The following PREX2 variants were observed in gnomAD, a reference collection of about 807,000 sequenced individuals.
The protein encoded by PREX2 is phosphatidylinositol-3,4,5-trisphosphate dependent Rac exchange factor 2.
Under a neutral mutation model 203.2 loss-of-function variants are expected in PREX2, and 107 were observed. The ratio of observed to expected loss-of-function variants is 0.53; its 90% CI spans 0.45 to 0.62. PREX2 has a LOEUF of 0.62. PREX2 is among the 20% of genes least tolerant of loss of function. The probability of loss-of-function intolerance (pLI) is 0.00; values close to 1 mark genes in which losing one functional copy is unlikely to be tolerated. For synonymous variants in PREX2, 672 were observed against 663.6 expected (o/e 1.01, Z -0.19); for missense variants, 1,777 against 1,955.9 (o/e 0.91, Z 1.72).
chr8:68,114,678 G>A (rs1810605688), intron 25 of PREX2, among the ~76,000 whole-genome samples: 1 of 152,206 alleles, frequency 6.6e-6, no homozygotes, highest in African/African-American at 2.4e-5. Context: ...AGGTGGAGGA[G>A]CTCTTTCTGT....
chr8:68,097,585 A>G (rs1214139692), intron 22 of PREX2, among the ~76,000 whole-genome samples: 1 of 152,252 alleles, frequency 6.6e-6, no homozygotes, highest in Non-Finnish European at 1.5e-5. Context: ...TTGGCATTCC[A>G]AAGTGCTGGG....
chr8:68,192,189 A>T, intron 36 of PREX2, 146 bp from the exon 37 acceptor site: 1 of 612,716 alleles, frequency 1.6e-6, no homozygotes, highest in Non-Finnish European at 2.8e-6. Flanking sequence ...GAGACATATG[A>T]GTAATTATAA....
At chr8:68,036,727 C>G (rs1808044489) in intron 6 of PREX2, among the ~76,000 whole-genome samples, 1 of 152,064 alleles carries the variant, frequency 6.6e-6, no homozygotes, top group Non-Finnish European at 1.5e-5. Flanking sequence ...GGGTGGATCA[C>G]CTGAGGTCGG....
chr8:68,134,387 G>A (rs3793380), intron 32 of PREX2, 111 bp downstream of exon 32: 305,531 of 808,552 alleles, frequency 0.38, 63,122 homozygotes, highest in East Asian at 0.75. Context: ...CTATGAATGT[G>A]CGTGCATTCA....
intron 1 of PREX2, among the ~76,000 whole-genome samples, chr8:68,017,146 C>G (rs896566051): frequency 6.6e-6 from 1 of 151,912 alleles, no homozygotes; most frequent in Non-Finnish European, 1.5e-5. Flanking sequence ...AAAATAATAG[C>G]CTGTTTAGCC....
At chr8:68,205,011 C>A (rs1379626773) in intron 37 of PREX2, among the ~76,000 whole-genome samples, 1 of 152,142 alleles carries the variant, frequency 6.6e-6, no homozygotes, top group African/African-American at 2.4e-5. Context: ...TACTCGGAAA[C>A]CCTTGTCTTC....
chr8:67,985,526 A>G lies in PREX2; in HGVS notation c.142-32320A>G, dbSNP rs187577588. Among the ~76,000 whole-genome samples, 6 of 152,296 alleles carry G rather than the reference A, an allele frequency of 3.9e-5. No homozygotes were observed. In the East Asian group the frequency reaches 9.6e-4, roughly 24 times the overall value. ...GTAGTTCTCTTTGGTCTAAATGTCAATATTAGAGCTGTGAGTGTGATGATT... is the reference window on the plus strand; with the variant it reads ...GTAGTTCTCTTTGGTCTAAATGTCAGTATTAGAGCTGTGAGTGTGATGATT... On this transcript the variant is annotated intron_variant, in intron 1 of 39. Coordinates refer to ENST00000288368, the MANE Select transcript of PREX2 (RefSeq NM_024870.4).
At chr8:67,967,189 A>C (rs1805801264) in intron 1 of PREX2, among the ~76,000 whole-genome samples, 1 of 152,192 alleles carries the variant, frequency 6.6e-6, no homozygotes, top group Non-Finnish European at 1.5e-5. Context: ...TTTCTTGTTT[A>C]AATCTTCAGT....
At chr8:68,091,380 A>G (rs1052954024) in intron 20 of PREX2, among the ~76,000 whole-genome samples, 8 of 152,254 alleles carry the variant, frequency 5.3e-5, no homozygotes, top group African/African-American at 1.9e-4. Context: ...GAGTATTGGC[A>G]TATAAAAGAA....
intron 29 of PREX2, among the ~76,000 whole-genome samples, chr8:68,120,621 AGGGTGTG>A (rs1448465381): frequency 6.6e-6 from 1 of 152,152 alleles, no homozygotes; most frequent in African/African-American, 2.4e-5. Flanking sequence ...TGGTGAGGAA[AGGGTGTG>A]GGGAATGAGA....
At chr8:68,053,565 A>G (rs1808588852) in intron 9 of PREX2, among the ~76,000 whole-genome samples, 1 of 152,150 alleles carries the variant, frequency 6.6e-6, no homozygotes, top group Non-Finnish European at 1.5e-5. Context: ...AAATTTGTTC[A>G]ATTTTCTTTG....
rs367796459 is a variant in PREX2 at position 68,233,514 on chromosome 8, T to C, written c.*2136T>C. 2.0e-4 allele frequency: 30 copies of C among 152,302 alleles called. No homozygotes were observed. In the East Asian group the frequency reaches 5.8e-3, roughly 29 times the overall value. The allele number at this position is 152,302 out of a possible 1,614,324, so 9.4% of individuals were successfully genotyped here. A position where few individuals can be genotyped will look rare whatever the true frequency, so the allele number is the denominator to read the frequency against. On this transcript the variant is annotated 3_prime_UTR_variant, in exon 40 of 40. Transcript: ENST00000288368. Reference sequence around the variant, plus strand: ...TGTGTCGTCTATCATGCTTGGTACTTACTAAATGCTCAAAAATTAGTAATG... The same window carrying C: ...TGTGTCGTCTATCATGCTTGGTACTCACTAAATGCTCAAAAATTAGTAATG...
At chr8:67,960,135 G>T (rs905933343) in intron 1 of PREX2, among the ~76,000 whole-genome samples, 2 of 151,890 alleles carry the variant, frequency 1.3e-5, no homozygotes, top group Non-Finnish European at 2.9e-5. Flanking sequence ...TCCCTCTTCC[G>T]GGTTCAAGCG....
At chr8:68,187,690 C>T (rs1041599471) in intron 35 of PREX2, among the ~76,000 whole-genome samples, 6 of 152,274 alleles carry the variant, frequency 3.9e-5, no homozygotes, top group East Asian at 1.9e-4. Context: ...GACATCTGAT[C>T]GAGGTACTTC....
intron 39 of PREX2, 97 bp downstream of exon 39, chr8:68,224,723 C>A: frequency 1.2e-6 from 1 of 866,896 alleles, no homozygotes; most frequent in African/African-American, 1.6e-5. Context: ...GGATGTGCCC[C>A]GTGTCGTACT....
At chr8:68,104,427 A>G (rs899719698) in intron 23 of PREX2, among the ~76,000 whole-genome samples, 14 of 152,142 alleles carry the variant, frequency 9.2e-5, no homozygotes, top group African/African-American at 3.4e-4. Context: ...CCTTGGACAC[A>G]CCAGCCCTGT....
At chr8:68,120,082 G>T in intron 28 of PREX2, 114 bp from the exon 29 acceptor site, 3 of 626,652 alleles carry the variant, frequency 4.8e-6, no homozygotes, top group Non-Finnish European at 8.3e-6. Flanking sequence ...AAGCATCATG[G>T]GGTTTCAAAA....
At chr8:67,982,218 G>A (rs1184140651) in intron 1 of PREX2, among the ~76,000 whole-genome samples, 1 of 152,118 alleles carries the variant, frequency 6.6e-6, no homozygotes, top group Non-Finnish European at 1.5e-5. Context: ...GAGGCCAGGA[G>A]TTTGAGAGCA....
intron 8 of PREX2, among the ~76,000 whole-genome samples, chr8:68,051,567 C>T (rs140827113): frequency 6.6e-6 from 1 of 152,154 alleles, no homozygotes; most frequent in East Asian, 1.9e-4. Context: ...TGTAATTTCT[C>T]AGTTGGTTAT....
Sources: gnomAD v4.1 joint callset for allele counts (sites outside exome capture counted in the v4.1 genomes callset) on GRCh38, gnomAD v4.1.1 for gene constraint, MANE v1.5 for transcripts, NCBI Gene and HGNC (gene_info 2026-07-23, HGNC 2026-07-21) for gene names.